SV2C: variants seen among roughly 807,000 people sequenced by gnomAD.
SV2C encodes solute carrier family 22 member B3.
SV2C carries 49 observed loss-of-function variants against 79.7 expected under a neutral mutation model. That is an observed-to-expected ratio of 0.61 (90% confidence interval 0.49 to 0.78). The LOEUF is 0.78. Ranked by LOEUF, SV2C falls within the 30% of genes least tolerant of loss-of-function variation. The pLI is 0.00. For synonymous variants in SV2C, 334 were observed against 333.2 expected (o/e 1.00, Z -0.03); for missense variants, 833 against 912.9 (o/e 0.91, Z 1.13).
chr5:76,012,963 T>C, the SV2C span, among the ~76,000 whole-genome samples: 2 of 152,312 alleles, frequency 1.3e-5, no homozygotes, highest in South Asian at 4.1e-4. Context: ...TTTTGGTCTA[T>C]ATATCTGTTT....
chr5:76,140,864 C>T (rs1388373380), intron 2 of SV2C, among the ~76,000 whole-genome samples: 3 of 152,058 alleles, frequency 2.0e-5, no homozygotes, highest in Admixed American at 6.5e-5. Context: ...GAACTTTATT[C>T]TTTGTTGTGT....
At chr5:76,185,136 G>T (rs10041104) in intron 2 of SV2C, among the ~76,000 whole-genome samples, 105,546 of 152,090 alleles carry the variant, frequency 0.69, 37,905 homozygotes, top group East Asian at 0.91. Flanking sequence ...ATTCCAAAAT[G>T]ATTTTCTTTG....
chr5:76,273,983 A>ATTG (rs1389683394), intron 4 of SV2C, among the ~76,000 whole-genome samples: 1 of 152,188 alleles, frequency 6.6e-6, no homozygotes, highest in Non-Finnish European at 1.5e-5. Flanking sequence ...GTCTGTGAAT[A>ATTG]TTGTTCTCTT....
chr5:76,090,026 CTT>C (rs1747323240), intron 1 of SV2C, among the ~76,000 whole-genome samples: 1 of 152,230 alleles, frequency 6.6e-6, no homozygotes, highest in Non-Finnish European at 1.5e-5. Flanking sequence ...TAAAATTCCA[CTT>C]TGTTTTCATT....
At chr5:75,956,844 T>A in the SV2C span, among the ~76,000 whole-genome samples, 1 of 151,990 alleles carries the variant, frequency 6.6e-6, no homozygotes, top group Non-Finnish European at 1.5e-5. Flanking sequence ...AGCTACTCAA[T>A]GACTATAAAA....
intron 1 of SV2C, among the ~76,000 whole-genome samples, chr5:76,100,268 G>C (rs1747695605): frequency 6.6e-6 from 1 of 152,112 alleles, no homozygotes; most frequent in Admixed American, 6.5e-5. Flanking sequence ...TTCACAGTAT[G>C]TAAGAAAACT....
chr5:76,046,796 C>T, the SV2C span, among the ~76,000 whole-genome samples: 2 of 152,370 alleles, frequency 1.3e-5, no homozygotes, highest in Admixed American at 6.5e-5. Context: ...GATGGCCTCT[C>T]AACTGCAGTA....
At chr5:76,315,142 G>A (rs548357944) in intron 12 of SV2C, among the ~76,000 whole-genome samples, 2 of 151,824 alleles carry the variant, frequency 1.3e-5, no homozygotes, top group African/African-American at 4.8e-5. Context: ...CCTGCTCGAA[G>A]GGGTGCAGGG....
At chr5:76,290,837 GAA>G (rs763374744) in intron 6 of SV2C, among the ~76,000 whole-genome samples, 15 of 152,020 alleles carry the variant, frequency 9.9e-5, no homozygotes, top group Admixed American at 3.9e-4. Context: ...AGGTTTCAAA[GAA>G]AAAAATGTGT....
chr5:76,156,454 A>G (rs994469046), intron 2 of SV2C, among the ~76,000 whole-genome samples: 1 of 152,196 alleles, frequency 6.6e-6, no homozygotes, highest in Non-Finnish European at 1.5e-5. Flanking sequence ...ACAATATGTT[A>G]TGTAGAATGT....
chr5:76,214,134 A>G (rs1191464025), intron 4 of SV2C, among the ~76,000 whole-genome samples: 2 of 152,168 alleles, frequency 1.3e-5, no homozygotes, highest in Admixed American at 1.3e-4. Flanking sequence ...ACAGTTTTAA[A>G]GCTTTACTGT....
At chr5:75,913,364 A>G in the SV2C span, among the ~76,000 whole-genome samples, 1 of 152,196 alleles carries the variant, frequency 6.6e-6, no homozygotes, top group African/African-American at 2.4e-5. Context: ...TCTAGGGGAA[A>G]GTTCTAGCTC....
At chr5:76,134,103 C>T (rs910652445) in intron 2 of SV2C, among the ~76,000 whole-genome samples, 2 of 152,056 alleles carry the variant, frequency 1.3e-5, no homozygotes, top group African/African-American at 2.4e-5. Context: ...TCCTCCAAAC[C>T]CAGAAACCCT....
the SV2C span, among the ~76,000 whole-genome samples, chr5:76,070,327 C>G: frequency 1.3e-5 from 2 of 152,182 alleles, no homozygotes; most frequent in Non-Finnish European, 2.9e-5. Flanking sequence ...AAATCTCGCA[C>G]CACAGAGACA....
the SV2C span, among the ~76,000 whole-genome samples, chr5:75,924,517 T>A: frequency 1.3e-5 from 2 of 152,188 alleles, no homozygotes; most frequent in African/African-American, 4.8e-5. Flanking sequence ...CCAGATCACA[T>A]AGCTAATAAA....
chr5:76,175,668 A>G (rs1553324), intron 2 of SV2C, among the ~76,000 whole-genome samples: 105,203 of 152,140 alleles, frequency 0.69, 37,513 homozygotes, highest in East Asian at 0.97. Context: ...CTACAATTGT[A>G]TGTTAAATTG....
At chr5:76,111,727 G>A (rs1482450958) in intron 1 of SV2C, among the ~76,000 whole-genome samples, 8 of 152,156 alleles carry the variant, frequency 5.3e-5, no homozygotes, top group African/African-American at 9.7e-5. Flanking sequence ...CTGAGAGGCC[G>A]TGGCATTTCT....
At chr5:76,087,120 A>T (rs1561209609) in intron 1 of SV2C, among the ~76,000 whole-genome samples, 1 of 152,246 alleles carries the variant, frequency 6.6e-6, no homozygotes, top group Non-Finnish European at 1.5e-5. Context: ...ATTTTACATG[A>T]AGCTATAGGC....
chr5:76,067,585 G>C, the SV2C span, among the ~76,000 whole-genome samples: 1 of 151,966 alleles, frequency 6.6e-6, no homozygotes, highest in Admixed American at 6.6e-5. Flanking sequence ...TTTTGGTAAA[G>C]TTCATGTGGT....
Sources: gnomAD v4.1 joint callset for allele counts (sites outside exome capture counted in the v4.1 genomes callset) on GRCh38, gnomAD v4.1.1 for gene constraint, MANE v1.5 for transcripts, NCBI Gene and HGNC (gene_info 2026-07-23, HGNC 2026-07-21) for gene names.